The following DCC variants were observed in gnomAD, a reference collection of about 807,000 sequenced individuals.
DCC encodes DCC netrin 1 receptor.
Under a neutral mutation model 172.5 loss-of-function variants are expected in DCC, and 58 were observed. The observed-to-expected ratio is 0.34, with a 90% CI of 0.27 to 0.42. The LOEUF is 0.42. Among genes scored for constraint, DCC ranks in the 10% least tolerant of loss-of-function variants. DCC has a pLI of 1.00. For missense variants in DCC, 1,740 were observed against 1,791.0 expected, an observed-to-expected ratio of 0.97 and a Z score of 0.51; for synonymous variants, 709 against 644.5, an observed-to-expected ratio of 1.10 and a Z score of -1.52.
intron 13 of DCC, among the ~76,000 whole-genome samples, chr18:53,308,288 A>G (rs1017238942): frequency 6.6e-6 from 1 of 152,036 alleles, no homozygotes; most frequent in Non-Finnish European, 1.5e-5. Flanking sequence ...CAAATACCCC[A>G]GTTTTAAGTC....
intron 5 of DCC, among the ~76,000 whole-genome samples, chr18:53,060,713 G>A (rs558664641): frequency 5.3e-5 from 8 of 152,144 alleles, no homozygotes; most frequent in Non-Finnish European, 8.8e-5. Context: ...GATTCACTAC[G>A]TGATCAGCTT....
intron 7 of DCC, among the ~76,000 whole-genome samples, chr18:53,105,037 T>C (rs2144230879): frequency 6.6e-6 from 1 of 152,172 alleles, no homozygotes; most frequent in African/African-American, 2.4e-5. Flanking sequence ...TTGGCAATCA[T>C]AATTTTAATA....
intron 11 of DCC, among the ~76,000 whole-genome samples, chr18:53,209,764 TAAAAG>T (rs972757852): frequency 2.6e-5 from 4 of 152,274 alleles, no homozygotes; most frequent in East Asian, 1.9e-4. Flanking sequence ...ATTATAAAAA[TAAAAG>T]AAAAACAAAT....
intron 1 of DCC, among the ~76,000 whole-genome samples, chr18:52,542,496 G>T (rs2144705822): frequency 1.3e-5 from 2 of 152,238 alleles, no homozygotes; most frequent in Non-Finnish European, 2.9e-5. Flanking sequence ...GTAATGAATT[G>T]AAGGGGTCAG....
At chr18:52,506,375 C>T (rs1325044005) in intron 1 of DCC, among the ~76,000 whole-genome samples, 2 of 151,818 alleles carry the variant, frequency 1.3e-5, no homozygotes, top group Admixed American at 1.3e-4. Flanking sequence ...TGTGAAAACC[C>T]ATATAAACAC....
At chr18:52,820,414 T>C (rs938162613) in intron 2 of DCC, among the ~76,000 whole-genome samples, 1 of 152,126 alleles carries the variant, frequency 6.6e-6, no homozygotes, top group Non-Finnish European at 1.5e-5. Context: ...CACATGGATT[T>C]TTTTATTTAA....
intron 9 of DCC, among the ~76,000 whole-genome samples, chr18:53,187,661 TA>T (rs1183700625): frequency 6.6e-6 from 1 of 152,228 alleles, no homozygotes; most frequent in East Asian, 1.9e-4. Flanking sequence ...CCTGCTGTAA[TA>T]TATGGTGAAT....
intron 13 of DCC, among the ~76,000 whole-genome samples, 197 bp downstream of exon 13, chr18:53,305,916 T>C (rs1025873261): frequency 6.6e-5 from 10 of 152,262 alleles, no homozygotes; most frequent in Admixed American, 1.3e-4. Context: ...TATTTCTCTC[T>C]GGATCATCGT....
At chr18:53,363,021 C>A (rs1477047482) in intron 15 of DCC, among the ~76,000 whole-genome samples, 1 of 152,198 alleles carries the variant, frequency 6.6e-6, no homozygotes, top group East Asian at 1.9e-4. Context: ...TTCTGATTGA[C>A]GCCATCTTAC....
At chr18:52,869,959 C>A (rs952572552) in intron 2 of DCC, among the ~76,000 whole-genome samples, 4 of 152,206 alleles carry the variant, frequency 2.6e-5, no homozygotes, top group South Asian at 4.1e-4. Context: ...GGGCTACAGC[C>A]CCAGCCATGA....
At chr18:52,418,165 T>C (rs1987111220) in intron 1 of DCC, among the ~76,000 whole-genome samples, 1 of 152,184 alleles carries the variant, frequency 6.6e-6, no homozygotes, top group Non-Finnish European at 1.5e-5. Context: ...CATTAAAGAC[T>C]TCAAAAGCTA....
At chr18:52,610,025 C>T (rs1297721498) in intron 1 of DCC, among the ~76,000 whole-genome samples, 1 of 148,618 alleles carries the variant, frequency 6.7e-6, no homozygotes, top group African/African-American at 2.5e-5. Flanking sequence ...TTTAAAATAC[C>T]ATCTAAGACT....
chr18:52,621,385 G>A (rs1568260167), intron 1 of DCC, among the ~76,000 whole-genome samples: 1 of 152,182 alleles, frequency 6.6e-6, no homozygotes, highest in Non-Finnish European at 1.5e-5. Context: ...GGGAAAGGAG[G>A]TAGGCTATGG....
intron 1 of DCC, among the ~76,000 whole-genome samples, chr18:52,362,370 T>G (rs1464320144): frequency 6.6e-6 from 1 of 152,232 alleles, no homozygotes; most frequent in Non-Finnish European, 1.5e-5. Flanking sequence ...TTCTTGAATT[T>G]ATGCCAAGAC....
At chr18:52,585,413 G>C (rs188637912) in intron 1 of DCC, among the ~76,000 whole-genome samples, 3 of 152,312 alleles carry the variant, frequency 2.0e-5, no homozygotes, top group Admixed American at 2.0e-4. Context: ...TTAGGAGCAA[G>C]TTGAAATAGT....
chr18:52,811,275 T>C (rs1490319190), intron 2 of DCC, among the ~76,000 whole-genome samples: 1 of 152,210 alleles, frequency 6.6e-6, no homozygotes. Context: ...ACCCTTTTTC[T>C]TATCACTTTT....
At chr18:52,797,979 T>C (rs1055713201) in intron 2 of DCC, among the ~76,000 whole-genome samples, 3 of 148,748 alleles carry the variant, frequency 2.0e-5, no homozygotes, top group Non-Finnish European at 3.0e-5. Context: ...GCACTGGACC[T>C]GTTAGACCTC....
At chr18:53,090,432 G>T (rs1404838642) in intron 7 of DCC, among the ~76,000 whole-genome samples, 2 of 151,718 alleles carry the variant, frequency 1.3e-5, no homozygotes, top group African/African-American at 2.4e-5. Flanking sequence ...GGTGGCTCAC[G>T]CCTGTAATTC....
At chr18:53,162,247 C>T (rs1028874860) in intron 8 of DCC, among the ~76,000 whole-genome samples, 3 of 146,442 alleles carry the variant, frequency 2.0e-5, no homozygotes, top group Non-Finnish European at 3.0e-5. Context: ...GGCAGTGAGC[C>T]GAGATCGTGC....
Sources: gnomAD v4.1 joint callset for allele counts (sites outside exome capture counted in the v4.1 genomes callset) on GRCh38, gnomAD v4.1.1 for gene constraint, MANE v1.5 for transcripts, NCBI Gene and HGNC (gene_info 2026-07-23, HGNC 2026-07-21) for gene names.